Variants in TTI2 observed in about 807,000 individuals in gnomAD.
The protein encoded by TTI2 is TELO2-interacting protein 2.
In TTI2, 26 loss-of-function variants were observed where a neutral mutation model predicts 44.9. The observed-to-expected ratio is 0.58, with a 90% CI of 0.42 to 0.80. TTI2 has a LOEUF of 0.80. Among genes scored for constraint, TTI2 ranks in the 30% least tolerant of loss-of-function variants. The probability of loss-of-function intolerance (pLI) is 0.00; values close to 1 mark genes in which losing one functional copy is unlikely to be tolerated. For synonymous variants in TTI2, 254 were observed against 250.9 expected, an observed-to-expected ratio of 1.01 and a Z score of -0.12; for missense variants, 582 against 611.6, an observed-to-expected ratio of 0.95 and a Z score of 0.51.
In TTI2 at chr8:33,512,052, C is replaced by T. The variant is rs1809550685; in HGVS notation, c.562G>A (p.Val188Met). The stretch of plus-strand genomic sequence containing the variant: ...TTTTCTCCATGTAGGAATCCTGCCA[C>T]AGAACCGCATTCAGTAACTTGAAGC... ...SLLQVTECGS[V>M]AGFLHGENED... is the part of the protein sequence containing the mutation. Residue 188 changes from valine to methionine, a missense_variant, in exon 2 of 8, where the codon GTG becomes ATG. Val to Met is a conservative substitution (Grantham distance 21). Coordinates refer to ENST00000431156, the MANE Select transcript of TTI2 (RefSeq NM_001102401.4). 6.2e-7 allele frequency: 1 copy of T among 1,614,154 alleles called. No individual in the cohort carries two copies. Among genetic ancestry groups the T allele is most frequent in the Non-Finnish European group, 8.5e-7 (1 of 1,180,018 alleles).
At chr8:33,508,119 A>G (rs1193692059) in intron 3 of TTI2, among the ~76,000 whole-genome samples, 1 of 127,100 alleles carries the variant, frequency 7.9e-6, no homozygotes, top group Admixed American at 7.5e-5. Context: ...AAAAAAAAAA[A>G]GACGAAAAAT....
chr8:33,501,229 G>A (rs1003862499), intron 6 of TTI2: 1 of 152,194 alleles, frequency 6.6e-6, no homozygotes, highest in Non-Finnish European at 1.5e-5. Flanking sequence ...AAAATACAAT[G>A]TGAAATGTAC....
At chr8:33,503,299 GGT>G in intron 6 of TTI2, 128 bp downstream of exon 6, 2 of 1,284,660 alleles carry the variant, frequency 1.6e-6, no homozygotes, top group Non-Finnish European at 2.2e-6. Flanking sequence ...AAATCCTATA[GGT>G]GTGTGAAAAT....
chr8:33,500,087 A>G (rs1048954575), intron 7 of TTI2: 42 of 455,592 alleles, frequency 9.2e-5, no homozygotes, highest in East Asian at 8.3e-4. Context: ...TCTCGTCCTT[A>G]GCCCCAGTGA....
chr8:33,512,535 C>CA lies in TTI2; in HGVS notation c.78dup (p.Gly27TrpfsTer27), dbSNP rs770464777. 7.4e-6 allele frequency: 12 copies of CA among 1,614,082 alleles called. No individual in the cohort carries two copies. In the African/African-American group the frequency reaches 1.2e-4, roughly 16 times the overall value. ...TGTAAAATCTTGGAGAAGGCCTGTC[C>CA]AAAGGCGGAGTGAGACAACTCCTCG... On this transcript the variant is annotated frameshift_variant, in exon 2 of 8. Transcript: ENST00000431156. LOFTEE classifies it high-confidence loss of function.
intron 6 of TTI2, among the ~76,000 whole-genome samples, chr8:33,502,133 G>A (rs1298485927): frequency 6.6e-6 from 1 of 151,794 alleles, no homozygotes; most frequent in Non-Finnish European, 1.5e-5. Flanking sequence ...TAGTAAAGAC[G>A]GGGTTTCACC....
chr8:33,511,412 G>A (rs1809522932), intron 2 of TTI2, among the ~76,000 whole-genome samples: 1 of 152,068 alleles, frequency 6.6e-6, no homozygotes, highest in South Asian at 2.1e-4. Flanking sequence ...TCGTCCTAAG[G>A]GCTGGAAAGA....
At chr8:33,505,782 T>C (rs956991506) in intron 4 of TTI2, among the ~76,000 whole-genome samples, 1 of 152,156 alleles carries the variant, frequency 6.6e-6, no homozygotes, top group Admixed American at 6.6e-5. Context: ...GCCTTCCGAG[T>C]AGCTGTGACT....
In TTI2 at chr8:33,512,449, G is replaced by A. The variant is rs1484156355; in HGVS notation, c.165C>T (p.Leu55=). 1.9e-6 allele frequency: 3 copies of A among 1,614,060 alleles called. No individual in the cohort carries two copies. The highest frequency in any genetic ancestry group is 8.5e-7 in the Non-Finnish European group (1 of 1,179,950). ...ATTCTGTGGCTTCTATTAGATCACC[G>A]AGGTCTTTAAGAACTGCATCTTTTA... ...GNVKDAVLKD[L]GDLIEATEFD... is the part of the protein sequence containing the mutation. The change falls in exon 2 of 8, where the codon CTC becomes CTT. Residue 55 remains leucine, a synonymous_variant. Transcript: ENST00000431156.
intron 7 of TTI2, 47 bp from the exon 8 acceptor site, chr8:33,499,324 T>G: frequency 7.5e-7 from 1 of 1,330,732 alleles, no homozygotes; most frequent in Non-Finnish European, 1.1e-6. Flanking sequence ...TTTTTTTAAT[T>G]ACTTTCCCCT....
Position 33,512,073 on chromosome 8 carries a change from G to A in TTI2, c.541C>T (p.Gln181Ter). ...VAREVLTSLL[Q>*]VTECGSVAGF... ...GCCACAGAACCGCATTCAGTAACTTGAAGCAGTGAGGTGAGCACCTCCCTA... is the reference window on the plus strand; with the variant it reads ...GCCACAGAACCGCATTCAGTAACTTAAAGCAGTGAGGTGAGCACCTCCCTA... Residue 181 changes from glutamine to a stop codon, truncating the protein, a stop_gained, in exon 2 of 8, where the codon CAA (glutamine) becomes TAA (stop). Coordinates refer to ENST00000431156, the MANE Select transcript of TTI2 (RefSeq NM_001102401.4). LOFTEE classifies it high-confidence loss of function. 1 of 1,614,018 alleles carries A rather than the reference G, an allele frequency of 6.2e-7. No homozygotes were observed. Among genetic ancestry groups the A allele is most frequent in the South Asian group, 1.1e-5 (1 of 91,078 alleles).
In TTI2 at chr8:33,512,086, G is replaced by A; in HGVS notation, c.528C>T (p.Leu176=). The A allele has an allele frequency of 6.2e-7, 1 of 1,614,012 alleles. No individual in the cohort carries two copies. The highest frequency in any genetic ancestry group is 8.5e-7 in the Non-Finnish European group (1 of 1,180,018). The change falls in exon 2 of 8, where the codon CTC becomes CTT. Residue 176 remains leucine, a synonymous_variant. Coordinates refer to ENST00000431156, the MANE Select transcript of TTI2 (RefSeq NM_001102401.4). ...PRSREVAREV[L]TSLLQVTECG... ...ATTCAGTAACTTGAAGCAGTGAGGT[G>A]AGCACCTCCCTAGCAACTTCCCGAG... is the stretch of plus-strand genomic sequence containing the variant.
chr8:33,499,149 C>T lies in TTI2; in HGVS notation c.*24G>A. ...AATTGGGATGGGAAGAAAATCCTTT[C>T]CTCTTGGGAAAGTAATACAAGTCTT... is the stretch of plus-strand genomic sequence containing the variant. On this transcript the variant is annotated 3_prime_UTR_variant, in exon 8 of 8. Transcript: ENST00000431156. 1.3e-6 allele frequency: 2 copies of T among 1,578,678 alleles called. No individual in the cohort carries two copies. The highest frequency in any genetic ancestry group is 1.7e-6 in the Non-Finnish European group (2 of 1,147,804).
chr8:33,505,348 T>A (rs1323187484), intron 4 of TTI2, among the ~76,000 whole-genome samples: 1 of 152,124 alleles, frequency 6.6e-6, no homozygotes, highest in Non-Finnish European at 1.5e-5. Flanking sequence ...GTTTCTTCTG[T>A]CTTTGTAGTT....
At chr8:33,506,117 G>A (rs1404101841) in intron 4 of TTI2, among the ~76,000 whole-genome samples, 1 of 152,092 alleles carries the variant, frequency 6.6e-6, no homozygotes, top group Non-Finnish European at 1.5e-5. Context: ...CTCTTCTAAT[G>A]CAGTCATCAT....
intron 6 of TTI2, among the ~76,000 whole-genome samples, chr8:33,501,909 T>TA (rs1319254625): frequency 6.6e-6 from 1 of 152,194 alleles, no homozygotes; most frequent in Non-Finnish European, 1.5e-5. Flanking sequence ...CAAGCAAGTA[T>TA]ATCCTACATT....
chr8:33,504,087 C>CTTTACA, intron 4 of TTI2, 152 bp from the exon 5 acceptor site: 1 of 808,252 alleles, frequency 1.2e-6, no homozygotes, highest in South Asian at 1.5e-5. Context: ...CTGCACATTA[C>CTTTACA]TTTACATTTT....
In TTI2 at chr8:33,506,584, G is replaced by A. The variant is rs537275714; in HGVS notation, c.927+645C>T. Among the ~76,000 whole-genome samples, 6 of 151,688 alleles carry A rather than the reference G, an allele frequency of 4.0e-5. No homozygotes were observed. In the East Asian group the frequency reaches 5.8e-4, roughly 15 times the overall value. ...TTTTTCCTATTTTTAGTAGAGGCGG[G>A]GTTTCACCATATTAGCCAGGATGGT... is the stretch of plus-strand genomic sequence containing the variant. On this transcript the variant is annotated intron_variant, in intron 4 of 7. Transcript: ENST00000431156.
At chr8:33,508,599 C>G (rs1585330748) in intron 3 of TTI2, among the ~76,000 whole-genome samples, 1 of 113,552 alleles carries the variant, frequency 8.8e-6, no homozygotes, top group Non-Finnish European at 1.6e-5. Flanking sequence ...GCGTAAGCGA[C>G]AGAGCAAGAC....
Sources: gnomAD v4.1 joint callset for allele counts (sites outside exome capture counted in the v4.1 genomes callset) on GRCh38, gnomAD v4.1.1 for gene constraint, MANE v1.5 for transcripts, NCBI Gene and HGNC (gene_info 2026-07-23, HGNC 2026-07-21) for gene names.